INSR: variants seen among roughly 807,000 people sequenced by gnomAD.
INSR encodes the protein insulin receptor.
A neutral mutation model predicts 142.6 loss-of-function variants in INSR; 67 were observed. The ratio of observed to expected loss-of-function variants is 0.47; its 90% confidence interval spans 0.39 to 0.58. INSR has a LOEUF of 0.58. Among genes scored for constraint, INSR ranks in the 20% least tolerant of loss-of-function variants. The pLI is 0.00. For missense variants in INSR, 1,248 were observed against 1,833.2 expected (o/e 0.68, Z 5.83); for synonymous variants, 756 against 743.1 (o/e 1.02, Z -0.28).
At chr19:7,134,391 T>C (rs6510949) in intron 13 of INSR, among the ~76,000 whole-genome samples, 3 of 152,014 alleles carry the variant, frequency 2.0e-5, no homozygotes, top group Non-Finnish European at 4.4e-5. Flanking sequence ...TGGATAAATG[T>C]GCTTAATGTC....
At chr19:7,169,821 C>G (rs1017394728) in intron 6 of INSR, among the ~76,000 whole-genome samples, 4 of 152,098 alleles carry the variant, frequency 2.6e-5, no homozygotes, top group Non-Finnish European at 2.9e-5. Context: ...GACTTCATCC[C>G]GTATCCGGTA....
chr19:7,242,171 A>G (rs375189430), intron 2 of INSR, among the ~76,000 whole-genome samples: 40 of 148,810 alleles, frequency 2.7e-4, no homozygotes, highest in African/African-American at 8.6e-4. Flanking sequence ...AAAAAAGAAG[A>G]AGGAGGAGGA....
intron 2 of INSR, among the ~76,000 whole-genome samples, chr19:7,211,362 C>T (rs1404575824): frequency 1.3e-5 from 2 of 152,130 alleles, no homozygotes; most frequent in Non-Finnish European, 2.9e-5. Flanking sequence ...GGAGGCACTG[C>T]GCTGTCTTAT....
chr19:7,119,706 G>T lies in INSR; in HGVS notation c.3660-123C>A. 9.2e-7 allele frequency: 1 copy of T among 1,082,074 alleles called. No individual in the cohort carries two copies. Among genetic ancestry groups the T allele is most frequent in the Non-Finnish European group, 1.4e-6 (1 of 723,244 alleles). 67.0% of individuals were successfully genotyped at this position (1,082,074 alleles called of 1,614,324 possible). On this transcript the variant is annotated intron_variant, in intron 20 of 21. Coordinates refer to ENST00000302850, the MANE Select transcript of INSR (RefSeq NM_000208.4). The surrounding 1 kb of genome is among the most constrained non-coding windows in gnomAD (Gnocchi z 5.2). ...CAAACACACATGCCAACACATACAT[G>T]CAAACACACACATGCAAACACACAC...
chr19:7,272,546 A>G (rs1967954370), intron 1 of INSR, among the ~76,000 whole-genome samples: 1 of 152,090 alleles, frequency 6.6e-6, no homozygotes, highest in Non-Finnish European at 1.5e-5. Context: ...TGAACCTAGG[A>G]GGCGGACGTT....
intron 1 of INSR, among the ~76,000 whole-genome samples, chr19:7,269,040 A>ACACACC (rs1453644431): frequency 3.8e-4 from 54 of 143,278 alleles, no homozygotes; most frequent in African/African-American, 1.4e-3. Context: ...CCACACACCC[A>ACACACC]CACACACACA....
rs541855239 is a variant in INSR at position 7,266,015 on chromosome 19, T to C, written c.652+1330A>G. Among the ~76,000 whole-genome samples, 376 of 152,146 alleles carry C rather than the reference T, an allele frequency of 2.5e-3. 3 individuals are homozygous for C. Among genetic ancestry groups the C allele is most frequent in the Middle Eastern group, 0.014 (4 of 294 alleles). On this transcript the variant is annotated intron_variant, in intron 2 of 21. Coordinates refer to ENST00000302850, the MANE Select transcript of INSR (RefSeq NM_000208.4). ...AGCTACTGAGGTACTAAAAGACAAA[T>C]GGGCAAAGGATATGAACAGGAAGAG...
chr19:7,172,971 A>C (rs1184252873), intron 4 of INSR, among the ~76,000 whole-genome samples: 1 of 152,146 alleles, frequency 6.6e-6, no homozygotes, highest in Non-Finnish European at 1.5e-5. Context: ...TTTTGTAAAT[A>C]AAGTTTTATT....
chr19:7,209,163 A>C (rs1193116958), intron 2 of INSR, among the ~76,000 whole-genome samples: 3 of 152,012 alleles, frequency 2.0e-5, no homozygotes, highest in Admixed American at 2.0e-4. Flanking sequence ...CCATCTCTAA[A>C]TAAATAAATA....
intron 15 of INSR, among the ~76,000 whole-genome samples, chr19:7,127,883 A>T (rs1165280588): frequency 6.6e-6 from 1 of 151,798 alleles, no homozygotes; most frequent in African/African-American, 2.4e-5. Context: ...AGCTGGGATT[A>T]CAGGCGCACA....
intron 2 of INSR, among the ~76,000 whole-genome samples, chr19:7,253,448 G>A (rs911045078): frequency 6.6e-6 from 1 of 151,780 alleles, no homozygotes; most frequent in Non-Finnish European, 1.5e-5. Context: ...ACGTTGGCCA[G>A]GCTGGTCTCG....
chr19:7,219,454 AAGAGAG>A (rs771018190), intron 2 of INSR, among the ~76,000 whole-genome samples: 2 of 134,364 alleles, frequency 1.5e-5, no homozygotes, highest in Non-Finnish European at 3.2e-5. Context: ...AGAGAGAAAG[AAGAGAG>A]AGAGAGAGAG....
chr19:7,268,750 T>C (rs1312143229), intron 1 of INSR: 1 of 302,154 alleles, frequency 3.3e-6, no homozygotes, highest in Non-Finnish European at 4.8e-6. Flanking sequence ...TTGTTGTTCT[T>C]CTTGCTGTTG....
intron 2 of INSR, among the ~76,000 whole-genome samples, chr19:7,184,890 G>C (rs897856576): frequency 6.6e-6 from 1 of 152,108 alleles, no homozygotes; most frequent in Non-Finnish European, 1.5e-5. Flanking sequence ...GCCTGAGGGA[G>C]GGGCCCAGGG....
chr19:7,294,091 CA>C lies in INSR; in HGVS notation c.-201del, dbSNP rs1457863725. ...AGGGCGCGCGCGGCTTCGCCAGCTA[CA>C]AATACTGAGCGGAGGCCCTTGCGGT... On this transcript the variant is annotated 5_prime_UTR_variant, in exon 1 of 22. Transcript: ENST00000302850. The C allele has an allele frequency of 2.8e-6, 1 of 361,180 alleles. No individual in the cohort carries two copies. Among genetic ancestry groups the C allele is most frequent in the Non-Finnish European group, 4.2e-6 (1 of 239,486 alleles). The allele number at this position is 361,180 out of a possible 1,614,324, so 22.4% of individuals were successfully genotyped here.
intron 2 of INSR, among the ~76,000 whole-genome samples, chr19:7,214,114 A>G (rs1001871474): frequency 3.9e-5 from 6 of 152,188 alleles, no homozygotes; most frequent in African/African-American, 1.4e-4. Flanking sequence ...AAGGATGGCT[A>G]TGTGATGAAG....
chr19:7,293,872 C>G lies in INSR; in HGVS notation c.20G>C (p.Arg7Pro). Residue 7 changes from arginine (R) to proline (P), a missense_variant, in exon 1 of 22, where the codon CGG becomes CCG. Coordinates refer to ENST00000302850, the MANE Select transcript of INSR (RefSeq NM_000208.4). Reference protein sequence around the residue: MATGGRRGAAAAPLLVA... With the variant: MATGGRPGAAAAPLLVA... ...CAGCAGCGGCGCGGCCGCCGCCCCC[C>G]GCCGGCCCCCGGTGGCCATGGCTGC... 1.6e-6 allele frequency: 2 copies of G among 1,239,328 alleles called. No homozygotes were observed. The highest frequency in any genetic ancestry group is 3.4e-5 in the South Asian group (1 of 29,276). 76.8% of individuals were successfully genotyped at this position (1,239,328 alleles called of 1,614,324 possible). A position where few individuals can be genotyped will look rare whatever the true frequency, so the allele number is the denominator to read the frequency against.
At chr19:7,191,113 A>G (rs1174601920) in intron 2 of INSR, among the ~76,000 whole-genome samples, 2 of 152,106 alleles carry the variant, frequency 1.3e-5, no homozygotes, top group African/African-American at 4.8e-5. Context: ...CCTGGCCGAC[A>G]TGGTGAAACC....
At chr19:7,165,452 T>C (rs1335068195) in intron 8 of INSR, among the ~76,000 whole-genome samples, 1 of 152,152 alleles carries the variant, frequency 6.6e-6, no homozygotes, top group Non-Finnish European at 1.5e-5. Flanking sequence ...TTTTGTTCTG[T>C]GTTGTGAATA....
Sources: gnomAD v4.1 joint callset for allele counts (sites outside exome capture counted in the v4.1 genomes callset) on GRCh38, gnomAD v4.1.1 for gene constraint, Gnocchi (gnomAD v3.1) non-coding constraint, MANE v1.5 for transcripts, NCBI Gene and HGNC (gene_info 2026-07-23, HGNC 2026-07-21) for gene names.